The following NRDC variants were observed in gnomAD, a reference collection of about 807,000 sequenced individuals.
NRDC encodes nardilysin.
A neutral mutation model predicts 147.1 loss-of-function variants in NRDC; 54 were observed. That is an observed-to-expected ratio of 0.37 (90% CI 0.29 to 0.46). The LOEUF is 0.46. Among genes scored for constraint, NRDC ranks in the 20% least tolerant of loss-of-function variants. NRDC has a pLI of 1.00. For missense variants in NRDC, 1,082 were observed against 1,370.6 expected (o/e 0.79, Z 3.33); for synonymous variants, 440 against 482.1 (o/e 0.91, Z 1.14).
intron 2 of NRDC, among the ~76,000 whole-genome samples, chr1:51,837,207 A>T (rs933110917): frequency 6.6e-6 from 1 of 152,124 alleles, no homozygotes; most frequent in African/African-American, 2.4e-5. Context: ...ACTTTTGTAA[A>T]TGTCAATTTT....
At chr1:51,817,798 G>A (rs541688792) in intron 10 of NRDC, among the ~76,000 whole-genome samples, 4 of 152,228 alleles carry the variant, frequency 2.6e-5, no homozygotes, top group South Asian at 4.1e-4. Context: ...TGACAAGATC[G>A]AAACAAATTA....
intron 14 of NRDC, 46 bp from the exon 15 acceptor site, chr1:51,812,144 T>C (rs1409691868): frequency 7.7e-7 from 1 of 1,306,842 alleles, no homozygotes; most frequent in Non-Finnish European, 1.1e-6. Flanking sequence ...TCCATTATTA[T>C]ATTTGATTTA....
intron 19 of NRDC, 24 bp from the exon 20 acceptor site, chr1:51,803,988 G>A (rs1334220549): frequency 6.5e-7 from 1 of 1,544,026 alleles, no homozygotes; most frequent in East Asian, 2.3e-5. Flanking sequence ...AATGCAAATG[G>A]CATCTTTAAT....
chr1:51,800,527 A>G (rs1404789817), intron 21 of NRDC, 29 bp downstream of exon 21: 11 of 1,611,836 alleles, frequency 6.8e-6, no homozygotes, highest in African/African-American at 4.0e-5. Context: ...CAGGTCCTCA[A>G]AATATAAGCT....
At chr1:51,836,410 A>G (rs763183041) in intron 2 of NRDC, 198 bp from the exon 3 acceptor site, 1 of 1,613,972 alleles carries the variant, frequency 6.2e-7, no homozygotes, top group African/African-American at 1.3e-5. Flanking sequence ...TCCGCTTGCC[A>G]TCCTGCCAAA....
chr1:51,823,550 TATTAAGGTCAAG>T, intron 7 of NRDC, 102 bp downstream of exon 7: 1 of 154,514 alleles, frequency 6.5e-6, no homozygotes, highest in Non-Finnish European at 1.0e-5. Flanking sequence ...CTTTACTTTG[TATTAAGGTCAAG>T]CACTAAAGTA....
chr1:51,866,893 T>C (rs1176980879), intron 1 of NRDC, among the ~76,000 whole-genome samples: 1 of 152,140 alleles, frequency 6.6e-6, no homozygotes, highest in Non-Finnish European at 1.5e-5. Flanking sequence ...GAGAAGGTAA[T>C]GGGAAGAGGC....
intron 1 of NRDC, chr1:51,859,826 A>C (rs1418020823): frequency 6.5e-6 from 1 of 154,272 alleles, no homozygotes; most frequent in Non-Finnish European, 1.5e-5. Context: ...CAGCATTCTC[A>C]GTTTACCTGG....
At chr1:51,842,437 T>A (rs1278872940) in intron 1 of NRDC, among the ~76,000 whole-genome samples, 5 of 152,210 alleles carry the variant, frequency 3.3e-5, no homozygotes, top group Admixed American at 3.3e-4. Flanking sequence ...TTCAGATCAA[T>A]AAATAAGAGC....
chr1:51,803,732 A>G, intron 20 of NRDC, 82 bp downstream of exon 20: 4 of 1,111,766 alleles, frequency 3.6e-6, no homozygotes, highest in Non-Finnish European at 5.2e-6. Flanking sequence ...TTATTTCTCT[A>G]TACAGCATCC....
Position 51,870,929 on chromosome 1 carries a change from ACT to A in NRDC, c.341+7344_341+7345del, listed in dbSNP as rs10551352. Among the ~76,000 whole-genome samples the A allele has an allele frequency of 7.0e-3, 1,068 of 151,798 alleles. 13 individuals carry two copies. Among genetic ancestry groups the A allele is most frequent in the African/African-American group, 0.024 (1,003 of 41,368 alleles). On this transcript the variant is annotated intron_variant, in intron 1 of 30. Transcript: ENST00000352171. ...TCACCTCTTATTCATCTTGAAAAAA[ACT>A]CTCTCTTGCTACAATGCACTGTTTT... is the stretch of plus-strand genomic sequence containing the variant.
intron 16 of NRDC, 42 bp from the exon 17 acceptor site, chr1:51,809,443 T>C (rs774131825): frequency 4.0e-6 from 5 of 1,240,114 alleles, no homozygotes; most frequent in South Asian, 1.2e-5. Context: ...AACAATGCAA[T>C]GTTCAACATT....
At chr1:51,829,601 C>A (rs558626288) in intron 4 of NRDC, among the ~76,000 whole-genome samples, 1 of 152,320 alleles carries the variant, frequency 6.6e-6, no homozygotes, top group South Asian at 2.1e-4. Context: ...CAGTGATCAA[C>A]CCTTCAACTG....
chr1:51,860,044 C>T (rs554747219), intron 1 of NRDC: 22 of 201,118 alleles, frequency 1.1e-4, no homozygotes, highest in Middle Eastern at 5.2e-4. Context: ...TTGGCCGTGT[C>T]TTTTACTTTG....
intron 3 of NRDC, among the ~76,000 whole-genome samples, chr1:51,834,752 T>A (rs1571881861): frequency 6.6e-6 from 1 of 152,120 alleles, no homozygotes; most frequent in Admixed American, 6.5e-5. Flanking sequence ...ATCACAAATA[T>A]ATTTAAGTCT....
chr1:51,864,700 C>T (rs1200615762), intron 1 of NRDC, among the ~76,000 whole-genome samples: 1 of 151,552 alleles, frequency 6.6e-6, no homozygotes, highest in Non-Finnish European at 1.5e-5. Context: ...ACCTATAATC[C>T]CAGAACTTTG....
chr1:51,843,383 A>T (rs1326125277), intron 1 of NRDC, among the ~76,000 whole-genome samples: 1 of 151,900 alleles, frequency 6.6e-6, no homozygotes, highest in Non-Finnish European at 1.5e-5. Flanking sequence ...ATACAACTTT[A>T]CACCTGTATT....
rs552339384 is a variant in NRDC, at chr1:51,791,269, C to T, written c.2961-279G>A. The stretch of plus-strand genomic sequence containing the variant: ...TGACCATTCCAAAGCTGAAAACTAA[C>T]AGGTTTCAGCAATGCCTGTCAGATC... On this transcript the variant is annotated intron_variant, in intron 27 of 30. Coordinates refer to ENST00000352171, the MANE Select transcript of NRDC (RefSeq NM_001101662.2). Among the ~76,000 whole-genome samples, 101 of 152,238 alleles carry T rather than the reference C, an allele frequency of 6.6e-4. 1 individual carries two copies. The highest frequency in any genetic ancestry group is 1.1e-3 in the Non-Finnish European group (76 of 68,012).
At chr1:51,833,469 T>C (rs1305512693) in intron 4 of NRDC, among the ~76,000 whole-genome samples, 2 of 147,068 alleles carry the variant, frequency 1.4e-5, no homozygotes, top group African/African-American at 2.5e-5. Context: ...TCATAATGAG[T>C]CAACAGAGAA....
Sources: gnomAD v4.1 joint callset for allele counts (sites outside exome capture counted in the v4.1 genomes callset) on GRCh38, gnomAD v4.1.1 for gene constraint, MANE v1.5 for transcripts, NCBI Gene and HGNC (gene_info 2026-07-23, HGNC 2026-07-21) for gene names.